Variants in PIK3AP1 observed in about 807,000 individuals in gnomAD.
PIK3AP1 encodes the protein phosphoinositide-3-kinase adaptor protein 1.
Under a neutral mutation model 88.1 loss-of-function variants are expected in PIK3AP1, and 21 were observed. The ratio of observed to expected loss-of-function variants is 0.24; its 90% CI spans 0.17 to 0.34. The LOEUF (loss-of-function observed/expected upper bound fraction) is 0.34. PIK3AP1 is among the 10% of genes least tolerant of loss of function. PIK3AP1 has a pLI of 1.00. For synonymous variants in PIK3AP1, 398 were observed against 400.0 expected (o/e 1.00, Z 0.06); for missense variants, 828 against 1,035.7 (o/e 0.80, Z 2.75).
chr10:96,633,371 T>A (rs896955043), intron 8 of PIK3AP1: 8 of 218,848 alleles, frequency 3.7e-5, no homozygotes, highest in African/African-American at 1.6e-4. Flanking sequence ...GCTATTATAT[T>A]TTCTCTTTGC....
At chr10:96,707,913 G>C (rs566129134) in intron 2 of PIK3AP1, among the ~76,000 whole-genome samples, 19 of 152,302 alleles carry the variant, frequency 1.2e-4, no homozygotes, top group African/African-American at 4.6e-4. Flanking sequence ...TTTCAGGTGA[G>C]ACATGTTTTA....
At chr10:96,710,118 A>AC in intron 1 of PIK3AP1, 135 bp from the exon 2 acceptor site, 2 of 745,444 alleles carry the variant, frequency 2.7e-6, no homozygotes, top group Non-Finnish European at 4.3e-6. Flanking sequence ...CCAGCACACC[A>AC]GCACACCTCA....
intron 1 of PIK3AP1, among the ~76,000 whole-genome samples, chr10:96,718,294 T>C (rs186637645): frequency 6.6e-6 from 1 of 152,342 alleles, no homozygotes. Flanking sequence ...ATGAATTGTA[T>C]GGCATGTGAA....
intron 2 of PIK3AP1, among the ~76,000 whole-genome samples, chr10:96,686,795 A>G (rs1338502506): frequency 6.6e-6 from 1 of 152,054 alleles, no homozygotes; most frequent in Non-Finnish European, 1.5e-5. Context: ...TGCAAATCCA[A>G]ACCAACTTGG....
intron 2 of PIK3AP1, among the ~76,000 whole-genome samples, chr10:96,707,417 C>T (rs539725484): frequency 1.1e-4 from 17 of 152,244 alleles, no homozygotes; most frequent in African/African-American, 3.6e-4. Flanking sequence ...CTCAGCCTCC[C>T]GAGTAGCTGG....
chr10:96,600,519 G>A (rs1848868982), intron 16 of PIK3AP1, among the ~76,000 whole-genome samples: 1 of 152,226 alleles, frequency 6.6e-6, no homozygotes, highest in African/African-American at 2.4e-5. Context: ...CACCAGGAAA[G>A]CATGCCCGGT....
chr10:96,597,374 C>CTCTCTT (rs1848791132), intron 16 of PIK3AP1, among the ~76,000 whole-genome samples: 1 of 9,912 alleles, frequency 1.0e-4, no homozygotes, highest in Non-Finnish European at 3.6e-4. Flanking sequence ...CTCTCTCTCT[C>CTCTCTT]TCTTTCTTTC....
chr10:96,608,030 T>A (rs1030521805), intron 14 of PIK3AP1, among the ~76,000 whole-genome samples: 13 of 152,192 alleles, frequency 8.5e-5, no homozygotes, highest in African/African-American at 3.1e-4. Context: ...TCTAACCAGA[T>A]GAGCCAGCCA....
intron 11 of PIK3AP1, among the ~76,000 whole-genome samples, chr10:96,623,145 C>T (rs1843108738): frequency 6.6e-6 from 1 of 152,148 alleles, no homozygotes; most frequent in Non-Finnish European, 1.5e-5. Flanking sequence ...ACCATCAGTA[C>T]AAGACTCTCA....
At chr10:96,708,574 C>CAAAAAAAAAAAAAAAAAAAAAAAAAA (rs924470384) in intron 2 of PIK3AP1, among the ~76,000 whole-genome samples, 1 of 12,832 alleles carries the variant, frequency 7.8e-5, no homozygotes, top group Non-Finnish European at 1.9e-4. Flanking sequence ...GGATCTGTCT[C>CAAAAAAAAAAAAAAAAAAAAAAAAAA]AAAAAAAAAA....
At chr10:96,692,583 A>G (rs1236506942) in intron 2 of PIK3AP1, among the ~76,000 whole-genome samples, 1 of 151,950 alleles carries the variant, frequency 6.6e-6, no homozygotes, top group Non-Finnish European at 1.5e-5. Flanking sequence ...AAAAAAAAAA[A>G]GAAAGAAAGA....
chr10:96,597,355 CCTCTCTCTCTCT>C lies in PIK3AP1; in HGVS notation c.2361-1733_2361-1722del, dbSNP rs767744163. On this transcript the variant is annotated intron_variant, in intron 16 of 16. Coordinates refer to ENST00000339364, the MANE Select transcript of PIK3AP1 (RefSeq NM_152309.3). ...CTTTCCTTCCCTCCCTCCCTCCCTC[CCTCTCTCTCTCT>C]CTCTCTCTCTTTCTTTCTTTCTTTC... Among the ~76,000 whole-genome samples the C allele has an allele frequency of 1.2e-4, 4 of 34,252 alleles. 1 individual carries two copies. The highest frequency in any genetic ancestry group is 6.1e-5 in the Non-Finnish European group (1 of 16,272). 22.5% of individuals were successfully genotyped at this position (34,252 alleles called of 152,430 possible). A position where few individuals can be genotyped will look rare whatever the true frequency, so the allele number is the denominator to read the frequency against.
intron 2 of PIK3AP1, among the ~76,000 whole-genome samples, chr10:96,678,809 C>G (rs1843960238): frequency 1.3e-5 from 2 of 152,234 alleles, no homozygotes; most frequent in African/African-American, 4.8e-5. Context: ...TTTTGCCAAC[C>G]CTGCAGTCAC....
In PIK3AP1 at chr10:96,712,341, C is replaced by T. The variant is rs530423678; in HGVS notation, c.14-2358G>A. Among the ~76,000 whole-genome samples, 8 of 152,328 alleles carry T rather than the reference C, an allele frequency of 5.3e-5. No individual in the cohort carries two copies. In the East Asian group the frequency reaches 1.3e-3, roughly 26 times the overall value. ...TCTACAGAGAACTCAATTCTGATCA[C>T]GGTCTGTTCCCTCAATTGTGAACAT... On this transcript the variant is annotated intron_variant, in intron 1 of 16. Transcript: ENST00000339364.
At chr10:96,605,975 T>C (rs1473399609) in intron 14 of PIK3AP1, among the ~76,000 whole-genome samples, 1 of 152,142 alleles carries the variant, frequency 6.6e-6, no homozygotes, top group Admixed American at 6.5e-5. Flanking sequence ...TTCCAGCTAC[T>C]TGGGACACTG....
At chr10:96,680,499 C>T (rs1589534013) in intron 2 of PIK3AP1, among the ~76,000 whole-genome samples, 1 of 152,122 alleles carries the variant, frequency 6.6e-6, no homozygotes, top group Non-Finnish European at 1.5e-5. Flanking sequence ...CTGTTTCTCC[C>T]CTCTATGTAT....
chr10:96,602,406 AAAG>A lies in PIK3AP1; in HGVS notation c.2242-11_2242-9del. On this transcript the variant is annotated splice_polypyrimidine_tract_variant and intron_variant, in intron 15 of 16. Coordinates refer to ENST00000339364, the MANE Select transcript of PIK3AP1 (RefSeq NM_152309.3). ...CTCAGGGACTTCATTATCCTACAGC[AAAG>A]AAGATGAGAAAGAAAGGCGAAAACT... The A allele has an allele frequency of 1.2e-6, 2 of 1,605,278 alleles. No homozygotes were observed.
At position 96,651,631 on chromosome 10, in the gene PIK3AP1, A is replaced by G. The variant is rs1460142128; in HGVS notation, c.733T>C (p.Ser245Pro). ...KAPNLSSGNV[S>P]LKIYSGDLVV... The stretch of plus-strand genomic sequence containing the variant: ...AAGTCTCCAGAATATATCTTCAGAG[A>G]AACGTTCCCAGATGAAAGGTCTGAA... The change falls in exon 5 of 17, where the codon TCT (serine) becomes CCT (proline). Residue 245 changes from serine to proline, a missense_variant. Around this residue, in one of 3 missense-constraint regions of PIK3AP1, gnomAD observed 610 missense variants for 760.1 expected, o/e 0.80. Transcript: ENST00000339364. 6.2e-7 allele frequency: 1 copy of G among 1,614,178 alleles called. No individual in the cohort carries two copies.
intron 2 of PIK3AP1, among the ~76,000 whole-genome samples, chr10:96,679,243 C>T (rs1843965899): frequency 6.6e-6 from 1 of 152,098 alleles, no homozygotes; most frequent in African/African-American, 2.4e-5. Context: ...TTATTAATAT[C>T]TGGGCTGGGT....
Sources: allele counts gnomAD v4.1 joint callset (sites outside exome capture counted in the v4.1 genomes callset), GRCh38; gene constraint gnomAD v4.1.1; regional missense constraint gnomAD v4.1.1; transcripts MANE v1.5; gene names NCBI Gene and HGNC (gene_info 2026-07-23, HGNC 2026-07-21).